Variants in RBFOX1 observed in about 807,000 individuals in gnomAD.
The protein encoded by RBFOX1 is RNA binding fox-1 homolog 1.
In RBFOX1, 8 loss-of-function variants were observed where a neutral mutation model predicts 57.7. That is an observed-to-expected ratio of 0.14 (90% CI 0.08 to 0.25). The LOEUF is 0.25. Among genes scored for constraint, RBFOX1 ranks in the 10% least tolerant of loss-of-function variants. RBFOX1 has a pLI of 1.00. For missense variants in RBFOX1, 611 were observed against 548.5 expected (o/e 1.11, Z -1.14); for synonymous variants, 326 against 222.4 (o/e 1.47, Z -4.15).
chr16:7,194,486 T>C (rs746438070), intron 4 of RBFOX1, among the ~76,000 whole-genome samples: 5 of 152,202 alleles, frequency 3.3e-5, no homozygotes, highest in African/African-American at 4.8e-5. Context: ...TGGGAAAATC[T>C]AGCTCTTTGG....
intron 4 of RBFOX1, among the ~76,000 whole-genome samples, chr16:7,318,434 C>T (rs1015288336): frequency 6.6e-6 from 1 of 152,060 alleles, no homozygotes; most frequent in African/African-American, 2.4e-5. Flanking sequence ...TAGTTTCACA[C>T]ATAAGTACCT....
At chr16:7,604,711 T>A (rs1181610309) in intron 9 of RBFOX1, among the ~76,000 whole-genome samples, 3 of 152,196 alleles carry the variant, frequency 2.0e-5, no homozygotes, top group South Asian at 2.1e-4. Context: ...AGATCTGGAA[T>A]TTTTTGCTTT....
intron 1 of RBFOX1, among the ~76,000 whole-genome samples, chr16:5,447,164 T>G (rs2068267961): frequency 6.6e-6 from 1 of 151,800 alleles, no homozygotes; most frequent in South Asian, 2.1e-4. Flanking sequence ...AGCCACCCCC[T>G]CCCCACCTAC....
chr16:6,809,707 A>T (rs181274255), intron 3 of RBFOX1, among the ~76,000 whole-genome samples: 28 of 152,266 alleles, frequency 1.8e-4, no homozygotes, highest in African/African-American at 6.3e-4. Flanking sequence ...GGAGTTTTTC[A>T]TTGTCTCTGA....
In RBFOX1 at chr16:7,332,903, C is replaced by T. The variant is rs898708797; in HGVS notation, c.28-185244C>T. ...GGCTCCTGACAGAAGGGATTTGGCT[C>T]CCAGCTTTGTAGTTCGGAAGAAGTT... On this transcript the variant is annotated intron_variant, in intron 4 of 15. Transcript: ENST00000550418. 51 of 1,583,098 alleles carry T rather than the reference C, an allele frequency of 3.2e-5. 1 individual carries two copies. In the South Asian group the frequency reaches 5.6e-4, roughly 17 times the overall value.
rs375155929 is a variant in RBFOX1, at chr16:7,164,043, C to T, written c.27+111945C>T. ...CGAATAAGTTCTTTAGTGGTGATTT[C>T]TGAGATTTTGGTGCACTCTTCACTA... On this transcript the variant is annotated intron_variant, in intron 4 of 15. Coordinates refer to ENST00000550418, the MANE Select transcript of RBFOX1 (RefSeq NM_018723.4). Among the ~76,000 whole-genome samples, 16 of 152,220 alleles carry T rather than the reference C, an allele frequency of 1.1e-4. No homozygotes were observed. In the South Asian group the frequency reaches 3.1e-3, roughly 30 times the overall value.
intron 4 of RBFOX1, among the ~76,000 whole-genome samples, chr16:7,171,602 C>A (rs957609380): frequency 6.6e-6 from 1 of 152,254 alleles, no homozygotes; most frequent in South Asian, 2.1e-4. Context: ...ATGTTCTGAA[C>A]CGTGGTGTCT....
chr16:6,541,796 A>C (rs909653548), intron 2 of RBFOX1, among the ~76,000 whole-genome samples: 1 of 152,172 alleles, frequency 6.6e-6, no homozygotes, highest in African/African-American at 2.4e-5. Context: ...TAGACCCTAG[A>C]CTTAGTGGAA....
chr16:5,891,193 C>A (rs1328842925), intron 4 of RBFOX1, among the ~76,000 whole-genome samples: 1 of 139,848 alleles, frequency 7.2e-6, no homozygotes, highest in African/African-American at 2.6e-5. Flanking sequence ...AAAGTGTAAA[C>A]CCCCTCCTCT....
chr16:6,341,228 C>A (rs914873522), intron 2 of RBFOX1, among the ~76,000 whole-genome samples: 22 of 152,060 alleles, frequency 1.4e-4, no homozygotes, highest in African/African-American at 5.3e-4. Context: ...TGTTTCCTTG[C>A]TTTTTTTTGG....
chr16:5,639,809 C>T (rs1038066351), intron 3 of RBFOX1, among the ~76,000 whole-genome samples: 17 of 152,170 alleles, frequency 1.1e-4, no homozygotes, highest in African/African-American at 4.1e-4. Flanking sequence ...GGGCTGGTGT[C>T]GCTCTGTTCT....
intron 1 of RBFOX1, among the ~76,000 whole-genome samples, chr16:6,291,038 C>A (rs370560448): frequency 1.3e-5 from 2 of 152,112 alleles, no homozygotes; most frequent in East Asian, 3.9e-4. Flanking sequence ...CCTTTTTAGA[C>A]CATATAGGGT....
intron 1 of RBFOX1, among the ~76,000 whole-genome samples, chr16:6,209,049 G>T (rs1326087309): frequency 1.3e-5 from 2 of 152,026 alleles, no homozygotes; most frequent in African/African-American, 4.8e-5. Flanking sequence ...AAATGTTTGT[G>T]TTATAAAATT....
intron 3 of RBFOX1, chr16:6,873,814 G>C (rs1258961394): frequency 6.6e-6 from 1 of 152,124 alleles, no homozygotes; most frequent in African/African-American, 2.4e-5. Context: ...CCATTTTCCA[G>C]ATAAGGAAAC....
chr16:5,323,445 C>T (rs2064470321), intron 1 of RBFOX1, among the ~76,000 whole-genome samples: 1 of 152,226 alleles, frequency 6.6e-6, no homozygotes, highest in Admixed American at 6.5e-5. Context: ...TCCAGCCTTG[C>T]TCATGTTAAT....
intron 4 of RBFOX1, among the ~76,000 whole-genome samples, chr16:7,511,854 C>T (rs191084884): frequency 1.3e-3 from 191 of 149,020 alleles, no homozygotes; most frequent in Non-Finnish European, 2.3e-3. Flanking sequence ...GTCAGTTGTG[C>T]AGCAGCAATA....
intron 3 of RBFOX1, among the ~76,000 whole-genome samples, chr16:6,978,530 A>G (rs1317276497): frequency 6.6e-6 from 1 of 152,162 alleles, no homozygotes; most frequent in Non-Finnish European, 1.5e-5. Context: ...TGAGGTTCAT[A>G]GAAGTTAAAG....
rs574297314 is a variant in RBFOX1 at position 6,087,929 on chromosome 16, G to A, written c.-127+67937G>A. The stretch of plus-strand genomic sequence containing the variant: ...GCCTCCCAAAATGCTGGGATTACAG[G>A]CGTCAGCCACCACACCCAGCCTTAT... On this transcript the variant is annotated intron_variant, in intron 1 of 15. Transcript: ENST00000550418. 3.3e-5 allele frequency among the ~76,000 whole-genome samples: 5 copies of A among 152,216 alleles called. No homozygotes were observed. In the South Asian group the frequency reaches 6.2e-4, roughly 19 times the overall value.
At chr16:7,567,829 A>C (rs1217971341) in intron 5 of RBFOX1, among the ~76,000 whole-genome samples, 1 of 149,446 alleles carries the variant, frequency 6.7e-6, no homozygotes, top group Non-Finnish European at 1.5e-5. Flanking sequence ...ACCTATATAT[A>C]TCCCCATATA....
Sources: allele counts gnomAD v4.1 joint callset (sites outside exome capture counted in the v4.1 genomes callset), GRCh38; gene constraint gnomAD v4.1.1; transcripts MANE v1.5; gene names NCBI Gene and HGNC (gene_info 2026-07-23, HGNC 2026-07-21).